The following SGCZ variants were observed in gnomAD, a reference collection of about 807,000 sequenced individuals.
SGCZ encodes sarcoglycan zeta, also known as zeta-sarcoglycan.
SGCZ carries 40 observed loss-of-function variants against 41.3 expected under a neutral mutation model. That is an observed-to-expected ratio of 0.97 (90% CI 0.75 to 1.26). SGCZ has a LOEUF of 1.26. Ranked by LOEUF, SGCZ falls within the 50% of genes most tolerant of loss-of-function variation. The pLI, the probability that SGCZ is intolerant of heterozygous loss-of-function variation, is 0.00. For missense variants in SGCZ, 552 were observed against 369.8 expected, an observed-to-expected ratio of 1.49 and a Z score of -4.04; for synonymous variants, 206 against 137.5, an observed-to-expected ratio of 1.50 and a Z score of -3.49.
rs559514951 is a variant in SGCZ at position 14,771,042 on chromosome 8, A to G, written c.40-216116T>C. The stretch of plus-strand genomic sequence containing the variant: ...TTCAGGCAAAGCAAATGAACAAAAA[A>G]CAGAGAGAAAAGGTCAAGAAAACTC... On this transcript the variant is annotated intron_variant, in intron 1 of 7. Transcript: ENST00000382080. 3.9e-5 allele frequency among the ~76,000 whole-genome samples: 6 copies of G among 152,258 alleles called. No homozygotes were observed. In the South Asian group the frequency reaches 1.2e-3, roughly 31 times the overall value.
At chr8:15,038,576 C>T (rs1056917356) in intron 1 of SGCZ, among the ~76,000 whole-genome samples, 9 of 150,676 alleles carry the variant, frequency 6.0e-5, no homozygotes, top group South Asian at 2.1e-4. Flanking sequence ...TAACCCCAAA[C>T]GCACAGGCAA....
At chr8:15,103,163 G>A (rs1301022960) in intron 1 of SGCZ, among the ~76,000 whole-genome samples, 1 of 152,112 alleles carries the variant, frequency 6.6e-6, no homozygotes, top group Non-Finnish European at 1.5e-5. Flanking sequence ...CACTTTGGGA[G>A]GCCAAGGCAG....
chr8:14,330,025 C>G (rs1051279087), intron 2 of SGCZ, among the ~76,000 whole-genome samples: 1 of 151,996 alleles, frequency 6.6e-6, no homozygotes, highest in African/African-American at 2.4e-5. Context: ...ATGCTCTTAC[C>G]GTATTCCAAA....
At chr8:15,182,701 C>A (rs978570725) in intron 1 of SGCZ, among the ~76,000 whole-genome samples, 1 of 152,024 alleles carries the variant, frequency 6.6e-6, no homozygotes, top group African/African-American at 2.4e-5. Flanking sequence ...CTATATACCA[C>A]CGTAGACTTT....
At chr8:15,134,030 T>G (rs2116979983) in intron 1 of SGCZ, among the ~76,000 whole-genome samples, 1 of 152,290 alleles carries the variant, frequency 6.6e-6, no homozygotes, top group South Asian at 2.1e-4. Flanking sequence ...AGCTTAAGTA[T>G]GTGCTGATTA....
At chr8:14,398,678 G>A (rs73664346) in intron 2 of SGCZ, among the ~76,000 whole-genome samples, 25,732 of 151,962 alleles carry the variant, frequency 0.17, 5,161 homozygotes, top group African/African-American at 0.48. Context: ...TAATTACAAA[G>A]GGTGCTTGTC....
At chr8:14,646,533 C>G (rs147172133) in intron 1 of SGCZ, among the ~76,000 whole-genome samples, 176 of 151,958 alleles carry the variant, frequency 1.2e-3, no homozygotes, top group Non-Finnish European at 4.4e-5. Context: ...AAGAACATGT[C>G]TCCTTTGGTA....
At position 14,451,346 on chromosome 8, in the gene SGCZ, C is replaced by G. The variant is rs556937222; in HGVS notation, c.234+103386G>C. On this transcript the variant is annotated intron_variant, in intron 2 of 7. Transcript: ENST00000382080. ...AGAAAAGATGCAGTCTGTCATCAATCTATTGTTAGCAGTGAAATCCAATCT... is the reference window on the plus strand; with the variant it reads ...AGAAAAGATGCAGTCTGTCATCAATGTATTGTTAGCAGTGAAATCCAATCT... Among the ~76,000 whole-genome samples the G allele has an allele frequency of 3.9e-4, 59 of 152,274 alleles. No individual in the cohort carries two copies. In the South Asian group the frequency reaches 5.8e-3, roughly 15 times the overall value.
At chr8:15,147,042 C>T (rs551056509) in intron 1 of SGCZ, among the ~76,000 whole-genome samples, 1 of 152,224 alleles carries the variant, frequency 6.6e-6, no homozygotes, top group African/African-American at 2.4e-5. Flanking sequence ...TGGTCTAGGT[C>T]ATCATGAAAT....
chr8:14,742,513 T>C (rs1023028977), intron 1 of SGCZ, among the ~76,000 whole-genome samples: 3 of 152,076 alleles, frequency 2.0e-5, no homozygotes, highest in African/African-American at 7.2e-5. Context: ...TCACATGCCC[T>C]CTTTACAATA....
intron 4 of SGCZ, among the ~76,000 whole-genome samples, chr8:14,212,738 T>C (rs1029289262): frequency 1.3e-5 from 2 of 152,004 alleles, no homozygotes; most frequent in Non-Finnish European, 2.9e-5. Context: ...GAAGCCAACA[T>C]TGAGATGAAT....
intron 2 of SGCZ, among the ~76,000 whole-genome samples, chr8:14,472,303 T>C (rs912634382): frequency 6.6e-6 from 1 of 152,100 alleles, no homozygotes; most frequent in African/African-American, 2.4e-5. Flanking sequence ...TTATATTTTA[T>C]TTAAGAAAGC....
intron 1 of SGCZ, among the ~76,000 whole-genome samples, chr8:14,991,381 C>T (rs1025630816): frequency 1.3e-4 from 20 of 152,130 alleles, no homozygotes; most frequent in African/African-American, 3.6e-4. Flanking sequence ...TTCAGGCAGA[C>T]TCTGCATTGT....
At chr8:14,493,779 G>A (rs1801912730) in intron 2 of SGCZ, among the ~76,000 whole-genome samples, 1 of 152,070 alleles carries the variant, frequency 6.6e-6, no homozygotes, top group Non-Finnish European at 1.5e-5. Context: ...GCTTTCATAA[G>A]AGTGGCTTTC....
chr8:15,093,481 T>A (rs1806225850), intron 1 of SGCZ, among the ~76,000 whole-genome samples: 1 of 152,218 alleles, frequency 6.6e-6, no homozygotes, highest in Non-Finnish European at 1.5e-5. Context: ...ATAATCAGCA[T>A]AACAGTTGCT....
chr8:15,015,584 A>C (rs1046032804), intron 1 of SGCZ, among the ~76,000 whole-genome samples: 4 of 148,602 alleles, frequency 2.7e-5, no homozygotes, highest in African/African-American at 4.9e-5. Flanking sequence ...CTACCCGGAG[A>C]GGCTGAGGCA....
At chr8:14,154,190 G>C (rs558311160) in intron 5 of SGCZ, among the ~76,000 whole-genome samples, 71 of 151,990 alleles carry the variant, frequency 4.7e-4, no homozygotes, top group Non-Finnish European at 8.1e-4. Context: ...CTAACACGCT[G>C]AAACCCTGTC....
At chr8:14,462,091 A>G (rs559479277) in intron 2 of SGCZ, among the ~76,000 whole-genome samples, 1 of 152,162 alleles carries the variant, frequency 6.6e-6, no homozygotes, top group South Asian at 2.1e-4. Context: ...ATCATTCTAT[A>G]TTATCCAGAA....
intron 1 of SGCZ, among the ~76,000 whole-genome samples, chr8:14,645,590 C>T (rs1481444380): frequency 1.3e-5 from 2 of 149,936 alleles, no homozygotes; most frequent in Non-Finnish European, 1.5e-5. Context: ...ATCCTCGAAG[C>T]TTGGATAAAC....
Sources: allele counts gnomAD v4.1 joint callset (sites outside exome capture counted in the v4.1 genomes callset), GRCh38; gene constraint gnomAD v4.1.1; transcripts MANE v1.5; gene names NCBI Gene and HGNC (gene_info 2026-07-23, HGNC 2026-07-21).